Variants in FGFR2 observed in about 807,000 individuals in gnomAD.
FGFR2 encodes the protein BEK fibroblast growth factor receptor.
Under a neutral mutation model 95.9 loss-of-function variants are expected in FGFR2, and 19 were observed. That is an observed-to-expected ratio of 0.20 (90% CI 0.14 to 0.29). The LOEUF is 0.29. Ranked by LOEUF, FGFR2 falls within the 10% of genes least tolerant of loss-of-function variation. FGFR2 has a pLI of 1.00. For synonymous variants in FGFR2, 392 were observed against 393.3 expected, an observed-to-expected ratio of 1.00 and a Z score of 0.04; for missense variants, 707 against 1,056.9, an observed-to-expected ratio of 0.67 and a Z score of 4.59.
intron 10 of FGFR2, 97 bp from the exon 11 acceptor site, chr10:121,501,044 C>T (rs2134016457): frequency 6.4e-7 from 1 of 1,560,178 alleles, no homozygotes; most frequent in Non-Finnish European, 8.7e-7. Context: ...CAGCGGCTTA[C>T]TAAAGCATGG....
intron 17 of FGFR2, chr10:121,480,316 T>C (rs3763750): frequency 2.1e-6 from 1 of 474,150 alleles, no homozygotes; most frequent in African/African-American, 1.9e-5. Flanking sequence ...AAATCAACTA[T>C]TGACAGGTAG....
intron 6 of FGFR2, among the ~76,000 whole-genome samples, chr10:121,524,144 A>C (rs58004661): frequency 0.17 from 21,247 of 128,056 alleles, 1,937 homozygotes; most frequent in East Asian, 0.35. Flanking sequence ...ACACACACAC[A>C]CACCCCAAGT....
intron 5 of FGFR2, among the ~76,000 whole-genome samples, chr10:121,550,963 G>A (rs1467965637): frequency 6.6e-6 from 1 of 152,142 alleles, no homozygotes; most frequent in African/African-American, 2.4e-5. Context: ...GCTCACACCT[G>A]TAATCCCAAC....
chr10:121,566,447 G>A (rs192976084), intron 2 of FGFR2, among the ~76,000 whole-genome samples: 1 of 152,238 alleles, frequency 6.6e-6, no homozygotes, highest in African/African-American at 2.4e-5. Context: ...TGAAGCCGCT[G>A]GGTGCTGTGT....
intron 5 of FGFR2, among the ~76,000 whole-genome samples, chr10:121,540,866 C>G (rs185924351): frequency 6.6e-6 from 1 of 152,178 alleles, no homozygotes; most frequent in Non-Finnish European, 1.5e-5. Context: ...GTGCCTGGAT[C>G]CAGATTTGGC....
At chr10:121,495,650 C>A (rs1010232799) in intron 13 of FGFR2, among the ~76,000 whole-genome samples, 1 of 152,142 alleles carries the variant, frequency 6.6e-6, no homozygotes, top group Non-Finnish European at 1.5e-5. Context: ...ACTGGCATGG[C>A]CCCATGGAGA....
chr10:121,561,237 C>G (rs907727469), intron 4 of FGFR2, among the ~76,000 whole-genome samples: 3 of 152,076 alleles, frequency 2.0e-5, no homozygotes, highest in Admixed American at 1.3e-4. Context: ...CCAGCCTGAC[C>G]AACATGGAGA....
chr10:121,591,376 AG>A (rs1862621101), intron 2 of FGFR2, among the ~76,000 whole-genome samples: 1 of 152,238 alleles, frequency 6.6e-6, no homozygotes, highest in Non-Finnish European at 1.5e-5. Flanking sequence ...CCATGTTCCC[AG>A]CTCCCTGGCG....
At chr10:121,558,735 G>A (rs972373364) in intron 4 of FGFR2, among the ~76,000 whole-genome samples, 6 of 151,522 alleles carry the variant, frequency 4.0e-5, no homozygotes, top group Non-Finnish European at 8.8e-5. Context: ...AGCCTCAGGC[G>A]CCCGCCACCA....
At chr10:121,504,657 TC>T (rs1230777945) in intron 9 of FGFR2, among the ~76,000 whole-genome samples, 1 of 152,154 alleles carries the variant, frequency 6.6e-6, no homozygotes, top group Non-Finnish European at 1.5e-5. Context: ...GGATGAAGCA[TC>T]AATGGAAAGA....
chr10:121,598,392 C>T lies in FGFR2; in HGVS notation c.-581G>A, dbSNP rs1863749294. 6.3e-6 allele frequency: 1 copy of T among 159,022 alleles called. No individual in the cohort carries two copies. Among genetic ancestry groups the T allele is most frequent in the Non-Finnish European group, 1.4e-5 (1 of 73,156 alleles). 9.9% of individuals were successfully genotyped at this position (159,022 alleles called of 1,614,324 possible). A position where few individuals can be genotyped will look rare whatever the true frequency, so the allele number is the denominator to read the frequency against. On this transcript the variant is annotated 5_prime_UTR_variant, in exon 1 of 18. Transcript: ENST00000358487. Reference sequence around the variant, plus strand: ...AGCTTTGTGGCGGCCGCGCGCGCTCCCTCGCCCGCTCCGCACCCGCCGCCC... The same window carrying T: ...AGCTTTGTGGCGGCCGCGCGCGCTCTCTCGCCCGCTCCGCACCCGCCGCCC...
At position 121,496,738 on chromosome 10, in the gene FGFR2, A is replaced by T. The variant is rs1342874331; in HGVS notation, c.1673-16T>A. The T allele has an allele frequency of 1.5e-5, 24 of 1,610,640 alleles. No individual in the cohort carries two copies. The highest frequency in any genetic ancestry group is 2.0e-5 in the Non-Finnish European group (24 of 1,179,168). Reference sequence around the variant, plus strand: ...TAGAGAGGCCCTGTTGAGGAAGAAGAGAAGCTCCCTAAAGAGAGAATCCAG... The same window carrying T: ...TAGAGAGGCCCTGTTGAGGAAGAAGTGAAGCTCCCTAAAGAGAGAATCCAG... On this transcript the variant is annotated splice_polypyrimidine_tract_variant and intron_variant, in intron 12 of 17. Coordinates refer to ENST00000358487, the MANE Select transcript of FGFR2 (RefSeq NM_000141.5).
In FGFR2 at chr10:121,560,593, C is replaced by A. The variant is rs531611656; in HGVS notation, c.454+3909G>T. ...TAGCACCACTGCACTCCAGCCTGGGCAACAGAGCAAGACTCCGTCCCCAAA... is the reference window on the plus strand; with the variant it reads ...TAGCACCACTGCACTCCAGCCTGGGAAACAGAGCAAGACTCCGTCCCCAAA... On this transcript the variant is annotated intron_variant, in intron 4 of 17. Coordinates refer to ENST00000358487, the MANE Select transcript of FGFR2 (RefSeq NM_000141.5). 3.7e-5 allele frequency among the ~76,000 whole-genome samples: 4 copies of A among 106,694 alleles called. No homozygotes were observed. The South Asian group carries it at 1.3e-3, about 36-fold the overall frequency. The allele number at this position is 106,694 out of a possible 152,430, so 70.0% of individuals were successfully genotyped here. A position where few individuals can be genotyped will look rare whatever the true frequency, so the allele number is the denominator to read the frequency against.
At chr10:121,571,536 A>C (rs1330093554) in intron 2 of FGFR2, among the ~76,000 whole-genome samples, 4 of 147,622 alleles carry the variant, frequency 2.7e-5, no homozygotes, top group Non-Finnish European at 4.5e-5. Flanking sequence ...CAAACTCCTC[A>C]GCTCAGGCAA....
At chr10:121,553,661 T>C (rs1288492311) in intron 4 of FGFR2, among the ~76,000 whole-genome samples, 1 of 152,224 alleles carries the variant, frequency 6.6e-6, no homozygotes, top group Non-Finnish European at 1.5e-5. Context: ...CCTATTCATA[T>C]GAATTAGCTA....
intron 2 of FGFR2, among the ~76,000 whole-genome samples, chr10:121,589,511 G>A (rs1224934786): frequency 6.6e-6 from 1 of 152,194 alleles, no homozygotes; most frequent in African/African-American, 2.4e-5. Context: ...ATGGCTTGAT[G>A]CGGGGCCATT....
At position 121,479,470 on chromosome 10, in the gene FGFR2, C is replaced by A; in HGVS notation, c.*387G>T. The A allele has an allele frequency of 3.5e-6, 2 of 565,960 alleles. No homozygotes were observed. Among genetic ancestry groups the A allele is most frequent in the Non-Finnish European group, 5.9e-6 (2 of 339,850 alleles). The allele number at this position is 565,960 out of a possible 1,614,324, so 35.1% of individuals were successfully genotyped here. A position where few individuals can be genotyped will look rare whatever the true frequency, so the allele number is the denominator to read the frequency against. ...TACATAATTTGAATATATTTACATA[C>A]ATCCAGCACCTATATACTGCATTTG... On this transcript the variant is annotated 3_prime_UTR_variant, in exon 18 of 18. Coordinates refer to ENST00000358487, the MANE Select transcript of FGFR2 (RefSeq NM_000141.5).
intron 1 of FGFR2, among the ~76,000 whole-genome samples, chr10:121,594,722 G>T (rs570946541): frequency 1.3e-5 from 2 of 152,308 alleles, no homozygotes; most frequent in South Asian, 4.1e-4. Flanking sequence ...TGGCAGTCCA[G>T]GGCTGCTAAA....
At chr10:121,543,455 A>G (rs1461743727) in intron 5 of FGFR2, among the ~76,000 whole-genome samples, 1 of 152,212 alleles carries the variant, frequency 6.6e-6, no homozygotes, top group Non-Finnish European at 1.5e-5. Flanking sequence ...GACTGCAGTG[A>G]GCTGAGATCA....
Sources: allele counts gnomAD v4.1 joint callset (sites outside exome capture counted in the v4.1 genomes callset), GRCh38; gene constraint gnomAD v4.1.1; transcripts MANE v1.5; gene names NCBI Gene and HGNC (gene_info 2026-07-23, HGNC 2026-07-21).